INPP4A: variants seen among roughly 807,000 people sequenced by gnomAD.
The protein encoded by INPP4A is inositol polyphosphate-4-phosphatase type I A.
A neutral mutation model predicts 119.8 loss-of-function variants in INPP4A; 33 were observed. That is an observed-to-expected ratio of 0.28 (90% CI 0.21 to 0.37). The LOEUF is 0.37. INPP4A is among the 10% of genes least tolerant of loss of function. INPP4A has a pLI of 1.00. For missense variants in INPP4A, 956 were observed against 1,289.9 expected (o/e 0.74, Z 3.97); for synonymous variants, 496 against 500.7 (o/e 0.99, Z 0.12).
intron 11 of INPP4A, among the ~76,000 whole-genome samples, chr2:98,544,593 G>A (rs1362636737): frequency 6.6e-6 from 1 of 152,224 alleles, no homozygotes; most frequent in East Asian, 1.9e-4. Context: ...TCTCAGGGCA[G>A]ATTTGGAAAT....
Position 98,448,939 on chromosome 2 carries a change from G to A in INPP4A, c.-166+3854G>A, listed in dbSNP as rs778588283. Among the ~76,000 whole-genome samples, 7 of 152,084 alleles carry A rather than the reference G, an allele frequency of 4.6e-5. No homozygotes were observed. In the South Asian group the frequency reaches 6.3e-4, roughly 14 times the overall value. On this transcript the variant is annotated intron_variant, in intron 1 of 24. Coordinates refer to ENST00000409851, the MANE Select transcript of INPP4A (RefSeq NM_001134225.2). ...AGGCTGGTCTCAGACTCCTACTCTC[G>A]CCATCCTCCTGCGTTGGCCGACCAC... is the stretch of plus-strand genomic sequence containing the variant.
chr2:98,542,097 G>A (rs1473888128), intron 10 of INPP4A, among the ~76,000 whole-genome samples: 2 of 152,230 alleles, frequency 1.3e-5, no homozygotes, highest in African/African-American at 4.8e-5. Flanking sequence ...AAGAAAGAGG[G>A]TGATCGGGGC....
At chr2:98,580,169 G>A (rs1699082090) in intron 24 of INPP4A, among the ~76,000 whole-genome samples, 1 of 152,112 alleles carries the variant, frequency 6.6e-6, no homozygotes, top group Non-Finnish European at 1.5e-5. Context: ...CTTCCACCCT[G>A]CCCGTGGGTG....
At chr2:98,454,489 G>A (rs1418276876) in intron 1 of INPP4A, among the ~76,000 whole-genome samples, 1 of 152,130 alleles carries the variant, frequency 6.6e-6, no homozygotes, top group East Asian at 1.9e-4. Context: ...CTCACAGGAG[G>A]GTGGTGGGGA....
intron 1 of INPP4A, among the ~76,000 whole-genome samples, chr2:98,498,116 A>G (rs1290850267): frequency 6.6e-6 from 1 of 152,098 alleles, no homozygotes; most frequent in Non-Finnish European, 1.5e-5. Flanking sequence ...ATGTGAGGAC[A>G]TGAGATTTGA....
intron 1 of INPP4A, among the ~76,000 whole-genome samples, chr2:98,510,977 G>A (rs1023844254): frequency 2.6e-5 from 4 of 152,184 alleles, no homozygotes; most frequent in Non-Finnish European, 2.9e-5. Context: ...GCACAAGCTC[G>A]GGGGCCCTAA....
At chr2:98,524,931 A>T (rs943300763) in intron 4 of INPP4A, among the ~76,000 whole-genome samples, 1 of 152,206 alleles carries the variant, frequency 6.6e-6, no homozygotes, top group African/African-American at 2.4e-5. Context: ...GAAATTTAGC[A>T]TGTTAAAGCA....
intron 1 of INPP4A, 67 bp from the exon 2 acceptor site, chr2:98,518,897 G>A (rs974805174): frequency 1.3e-5 from 2 of 152,224 alleles, no homozygotes; most frequent in African/African-American, 2.4e-5. Context: ...CACGTTTCTA[G>A]GCATTGCAGT....
At chr2:98,544,811 T>G (rs896526305) in intron 11 of INPP4A, among the ~76,000 whole-genome samples, 5 of 152,208 alleles carry the variant, frequency 3.3e-5, no homozygotes, top group African/African-American at 9.6e-5. Flanking sequence ...TAAACTTGAA[T>G]GAGAAGAAGC....
intron 1 of INPP4A, among the ~76,000 whole-genome samples, chr2:98,469,150 G>A (rs1403162361): frequency 6.6e-5 from 10 of 152,172 alleles, no homozygotes; most frequent in African/African-American, 2.4e-4. Context: ...CCTTTCCCAT[G>A]AGGTGATTTG....
At chr2:98,459,762 G>A (rs575815742) in intron 1 of INPP4A, among the ~76,000 whole-genome samples, 1 of 152,368 alleles carries the variant, frequency 6.6e-6, no homozygotes, top group Admixed American at 6.5e-5. Context: ...ATCAATGTTT[G>A]TTGAGTGAAC....
At chr2:98,455,357 A>T (rs1249969442) in intron 1 of INPP4A, among the ~76,000 whole-genome samples, 2 of 152,086 alleles carry the variant, frequency 1.3e-5, no homozygotes, top group Non-Finnish European at 2.9e-5. Flanking sequence ...AGAAAAAAAA[A>T]AGATACCCCA....
At chr2:98,505,491 A>G (rs1683877390) in intron 1 of INPP4A, among the ~76,000 whole-genome samples, 1 of 152,240 alleles carries the variant, frequency 6.6e-6, no homozygotes, top group African/African-American at 2.4e-5. Context: ...GAGAGAGAGG[A>G]CACATGCTTT....
Position 98,454,760 on chromosome 2 carries a change from C to CG in INPP4A, c.-166+9681dup, listed in dbSNP as rs1274842082. On this transcript the variant is annotated intron_variant, in intron 1 of 24. Transcript: ENST00000409851. Reference sequence around the variant, plus strand: ...GAAGTTGAGAGGAGAAGGATGTGGGCGGGGGGTGGGAGGAGGAAGTGGAGG... The same window carrying CG: ...GAAGTTGAGAGGAGAAGGATGTGGGCGGGGGGGTGGGAGGAGGAAGTGGAGG... Among the ~76,000 whole-genome samples, 14 of 98,552 alleles carry CG rather than the reference C, an allele frequency of 1.4e-4. No homozygotes were observed. The Admixed American group carries it at 1.5e-3, about 11-fold the overall frequency. 64.7% of individuals were successfully genotyped at this position (98,552 alleles called of 152,430 possible). A position where few individuals can be genotyped will look rare whatever the true frequency, so the allele number is the denominator to read the frequency against.
chr2:98,489,436 C>G (rs1680243082), intron 1 of INPP4A, among the ~76,000 whole-genome samples: 1 of 152,154 alleles, frequency 6.6e-6, no homozygotes, highest in South Asian at 2.1e-4. Context: ...CTGGCTTGAA[C>G]CTGTCCCTGT....
intron 4 of INPP4A, among the ~76,000 whole-genome samples, chr2:98,527,926 T>C (rs146644235): frequency 4.6e-5 from 7 of 152,148 alleles, no homozygotes; most frequent in African/African-American, 1.7e-4. Context: ...AGAATCTAAT[T>C]CCAGAGATCT....
At chr2:98,499,294 G>T (rs567144791) in intron 1 of INPP4A, among the ~76,000 whole-genome samples, 1 of 152,304 alleles carries the variant, frequency 6.6e-6, no homozygotes, top group Non-Finnish European at 1.5e-5. Context: ...TGCCAGGTTT[G>T]CTTCAGATTT....
chr2:98,451,067 G>A (rs1322769957), intron 1 of INPP4A, among the ~76,000 whole-genome samples: 4 of 152,164 alleles, frequency 2.6e-5, no homozygotes, highest in African/African-American at 4.8e-5. Context: ...CACTGCACCC[G>A]GCCTTAGCTG....
rs529221336 is a variant in INPP4A, at chr2:98,466,526, A to T, written c.-166+21441A>T. Among the ~76,000 whole-genome samples, 9 of 152,310 alleles carry T rather than the reference A, an allele frequency of 5.9e-5. No homozygotes were observed. In the South Asian group the frequency reaches 1.9e-3, roughly 32 times the overall value. On this transcript the variant is annotated intron_variant, in intron 1 of 24. Coordinates refer to ENST00000409851, the MANE Select transcript of INPP4A (RefSeq NM_001134225.2). ...TGCAGCACTTCATTTAATCCTCTGG[A>T]CACCTTGAATGATAAGTGTCTGTCA...
Sources: gnomAD v4.1 joint callset for allele counts (sites outside exome capture counted in the v4.1 genomes callset) on GRCh38, gnomAD v4.1.1 for gene constraint, MANE v1.5 for transcripts, NCBI Gene and HGNC (gene_info 2026-07-23, HGNC 2026-07-21) for gene names.